CAMSAP1: variants seen among roughly 807,000 people sequenced by gnomAD.
CAMSAP1 encodes calmodulin regulated spectrin associated protein 1.
In CAMSAP1, 58 loss-of-function variants were observed where a neutral mutation model predicts 143.5. The ratio of observed to expected loss-of-function variants is 0.40; its 90% CI spans 0.33 to 0.50. The LOEUF is 0.50. Among genes scored for constraint, CAMSAP1 ranks in the 20% least tolerant of loss-of-function variants. CAMSAP1 has a pLI of 0.45. For synonymous variants in CAMSAP1, 945 were observed against 859.3 expected (o/e 1.10, Z -1.74); for missense variants, 1,969 against 2,115.7 (o/e 0.93, Z 1.36).
chr9:135,890,345 G>A (rs370761909), intron 1 of CAMSAP1, among the ~76,000 whole-genome samples: 26 of 152,040 alleles, frequency 1.7e-4, no homozygotes, highest in African/African-American at 4.8e-4. Flanking sequence ...GGCTCTGGCC[G>A]GCCAACTGGG....
chr9:135,856,404 T>C (rs1186412167), intron 5 of CAMSAP1, among the ~76,000 whole-genome samples: 1 of 152,012 alleles, frequency 6.6e-6, no homozygotes, highest in African/African-American at 2.4e-5. Flanking sequence ...GATTCAATTA[T>C]CTCCCACCAG....
intron 5 of CAMSAP1, among the ~76,000 whole-genome samples, chr9:135,859,448 A>G (rs1220925356): frequency 6.6e-6 from 1 of 152,172 alleles, no homozygotes; most frequent in Non-Finnish European, 1.5e-5. Flanking sequence ...GCTGGAGTGC[A>G]GTGGCACGAT....
chr9:135,849,920 G>T, intron 7 of CAMSAP1: 2 of 411,222 alleles, frequency 4.9e-6, no homozygotes, highest in Admixed American at 4.1e-5. Context: ...TTTTAGAGTT[G>T]TGCAATTTTT....
In CAMSAP1 at chr9:135,808,493, T is replaced by C. The variant is rs1834923551; in HGVS notation, c.*2816A>G. Reference sequence around the variant, plus strand: ...TAAAACATTCTCCAAGTGATGAATTTTTAACAGAAAATTTTATTTCAATAA... The same window carrying C: ...TAAAACATTCTCCAAGTGATGAATTCTTAACAGAAAATTTTATTTCAATAA... On this transcript the variant is annotated 3_prime_UTR_variant, in exon 17 of 17. Coordinates refer to ENST00000389532, the MANE Select transcript of CAMSAP1 (RefSeq NM_015447.4). 2 of 152,274 alleles carry C rather than the reference T, an allele frequency of 1.3e-5. No homozygotes were observed. Among genetic ancestry groups the C allele is most frequent in the Non-Finnish European group, 2.9e-5 (2 of 68,050 alleles). 9.4% of individuals were successfully genotyped at this position (152,274 alleles called of 1,614,324 possible).
At chr9:135,843,551 T>C (rs1223866077) in intron 7 of CAMSAP1, among the ~76,000 whole-genome samples, 2 of 151,750 alleles carry the variant, frequency 1.3e-5, no homozygotes, top group Non-Finnish European at 2.9e-5. Flanking sequence ...AAGAAGGGCA[T>C]TACATAATGG....
At chr9:135,872,088 G>A (rs1410318319) in intron 3 of CAMSAP1, among the ~76,000 whole-genome samples, 6 of 151,408 alleles carry the variant, frequency 4.0e-5, no homozygotes, top group African/African-American at 9.7e-5. Flanking sequence ...TAACAAGAGC[G>A]AAACTCCCAT....
At chr9:135,879,678 A>G (rs892354540) in intron 3 of CAMSAP1, among the ~76,000 whole-genome samples, 1 of 152,092 alleles carries the variant, frequency 6.6e-6, no homozygotes, top group Non-Finnish European at 1.5e-5. Flanking sequence ...AAAAAAAACA[A>G]GCAAACAAAA....
rs1483566328 is a variant in CAMSAP1, at chr9:135,811,374, T to C, written c.4744A>G (p.Ile1582Val). The change falls in exon 17 of 17, where the codon ATC becomes GTC. Residue 1582 changes from isoleucine to valine, a missense_variant. Physicochemically the swap from Ile to Val is conservative, Grantham distance 29 (BLOSUM62 3). Coordinates refer to ENST00000389532, the MANE Select transcript of CAMSAP1 (RefSeq NM_015447.4). This position sits in a 1 kb window ranked among gnomAD's most constrained non-coding sequence, Gnocchi z 4.9. ...TMSVSVDALT[I>V]HNHLWQPKRP... is the part of the protein sequence containing the mutation. Reference sequence around the variant, plus strand: ...TTGGGCTGCCACAGGTGGTTGTGGATTGTGAGTGCGTCCACACTGACAGAC... The same window carrying C: ...TTGGGCTGCCACAGGTGGTTGTGGACTGTGAGTGCGTCCACACTGACAGAC... 6.2e-7 allele frequency: 1 copy of C among 1,613,100 alleles called. No homozygotes were observed. Among genetic ancestry groups the C allele is most frequent in the Non-Finnish European group, 8.5e-7 (1 of 1,179,534 alleles).
Position 135,882,200 on chromosome 9 carries a change from A to G in CAMSAP1, c.424-406T>C, listed in dbSNP as rs953657441. 5.9e-5 allele frequency among the ~76,000 whole-genome samples: 9 copies of G among 152,200 alleles called. No individual in the cohort carries two copies. The highest frequency in any genetic ancestry group is 2.2e-4 in the African/African-American group (9 of 41,442). ...TGCCCACCAGAGGCCTCTGGCTCCTAGTCCAGAGCTCTACCTGCTACAGCT... is the reference window on the plus strand; with the variant it reads ...TGCCCACCAGAGGCCTCTGGCTCCTGGTCCAGAGCTCTACCTGCTACAGCT... On this transcript the variant is annotated intron_variant, in intron 2 of 16. Transcript: ENST00000389532. The surrounding 1 kb of genome is among the most constrained non-coding windows in gnomAD (Gnocchi z 4.9).
At chr9:135,834,732 TCCGTTTGA>T (rs1361224424) in intron 7 of CAMSAP1, among the ~76,000 whole-genome samples, 1 of 152,162 alleles carries the variant, frequency 6.6e-6, no homozygotes, top group Non-Finnish European at 1.5e-5. Context: ...TACTATGTTG[TCCGTTTGA>T]GATCTGCTGA....
chr9:135,836,262 A>C, intron 7 of CAMSAP1: 1 of 982,420 alleles, frequency 1.0e-6, no homozygotes, highest in Non-Finnish European at 1.2e-6. Flanking sequence ...ACCTACCTTT[A>C]CCCATTCCGC....
chr9:135,863,587 A>C (rs1332188940), intron 4 of CAMSAP1, among the ~76,000 whole-genome samples: 1 of 152,236 alleles, frequency 6.6e-6, no homozygotes, highest in East Asian at 1.9e-4. Flanking sequence ...AAAATCAAGA[A>C]TTTCAGGTTG....
intron 7 of CAMSAP1, among the ~76,000 whole-genome samples, chr9:135,847,309 T>G (rs1326075630): frequency 6.6e-6 from 1 of 152,058 alleles, no homozygotes; most frequent in Non-Finnish European, 1.5e-5. Context: ...GAGCTGAGAC[T>G]GTGCCACTGC....
intron 3 of CAMSAP1, among the ~76,000 whole-genome samples, chr9:135,867,475 C>CCCCCTTTT (rs1491489651): frequency 6.9e-6 from 1 of 145,262 alleles, no homozygotes; most frequent in Non-Finnish European, 1.5e-5. Context: ...CAAGACCCCC[C>CCCCCTTTT]TCTTTTTTTT....
chr9:135,829,083 A>G (rs1455083632), intron 7 of CAMSAP1, among the ~76,000 whole-genome samples: 1 of 152,260 alleles, frequency 6.6e-6, no homozygotes, highest in Non-Finnish European at 1.5e-5. Flanking sequence ...AATCAACAGA[A>G]CACTAAATAG....
At chr9:135,832,465 T>G (rs552096474) in intron 7 of CAMSAP1, among the ~76,000 whole-genome samples, 1 of 152,336 alleles carries the variant, frequency 6.6e-6, no homozygotes, top group Admixed American at 6.5e-5. Flanking sequence ...GTACCATAAT[T>G]AGTGGGGGAA....
rs554896713 is a variant in CAMSAP1, at chr9:135,826,466, C to T, written c.1223+941G>A. The T allele has an allele frequency of 2.0e-5, 3 of 152,552 alleles. No individual in the cohort carries two copies. The highest frequency in any genetic ancestry group is 2.1e-4 in the South Asian group (1 of 4,834). The allele number at this position is 152,552 out of a possible 1,614,324, so 9.4% of individuals were successfully genotyped here. On this transcript the variant is annotated intron_variant, in intron 8 of 16. Coordinates refer to ENST00000389532, the MANE Select transcript of CAMSAP1 (RefSeq NM_015447.4). This position sits in a 1 kb window ranked among gnomAD's most constrained non-coding sequence, Gnocchi z 4.4. ...CCCCACCCCTGGGTGTGTACCCCCC[C>T]ACCACTGCCTGTATCACAAGGGCCT... is the stretch of plus-strand genomic sequence containing the variant.
chr9:135,892,848 C>CAAAAGAAAAAAAAAAAA (rs1838327248), intron 1 of CAMSAP1, among the ~76,000 whole-genome samples: 1 of 42,078 alleles, frequency 2.4e-5, no homozygotes, highest in Non-Finnish European at 4.2e-5. Context: ...AAGACTGTCT[C>CAAAAGAAAAAAAAAAAA]AAAAAAAAAA....
Position 135,865,445 on chromosome 9 carries a change from T to C in CAMSAP1, c.666+1011A>G, listed in dbSNP as rs925737450. On this transcript the variant is annotated intron_variant, in intron 4 of 16. Coordinates refer to ENST00000389532, the MANE Select transcript of CAMSAP1 (RefSeq NM_015447.4). Reference sequence around the variant, plus strand: ...ACGTGTGGACGAGGTAACACACACTTCCCCACGGCGTTTACACGGCAGAGG... The same window carrying C: ...ACGTGTGGACGAGGTAACACACACTCCCCCACGGCGTTTACACGGCAGAGG... The C allele has an allele frequency of 7.2e-6, 10 of 1,394,006 alleles. No individual in the cohort carries two copies. In the African/African-American group the frequency reaches 1.3e-4, roughly 18 times the overall value. 86.4% of individuals were successfully genotyped at this position (1,394,006 alleles called of 1,614,324 possible).
Sources: allele counts gnomAD v4.1 joint callset (sites outside exome capture counted in the v4.1 genomes callset), GRCh38; gene constraint gnomAD v4.1.1; non-coding constraint Gnocchi (gnomAD v3.1); transcripts MANE v1.5; gene names NCBI Gene and HGNC (gene_info 2026-07-23, HGNC 2026-07-21).